Variants in DIP2C observed in about 807,000 individuals in gnomAD.
The protein encoded by DIP2C is disco-interacting protein 2 homolog C.
Under a neutral mutation model 192.4 loss-of-function variants are expected in DIP2C, and 33 were observed. That is an observed-to-expected ratio of 0.17 (90% CI 0.13 to 0.23). The LOEUF (loss-of-function observed/expected upper bound fraction) is 0.23. Among genes scored for constraint, DIP2C ranks in the 10% least tolerant of loss-of-function variants. DIP2C has a pLI of 1.00. For missense variants in DIP2C, 1,537 were observed against 2,110.1 expected (o/e 0.73, Z 5.32); for synonymous variants, 979 against 864.1 (o/e 1.13, Z -2.33).
At chr10:576,777 C>T (rs147148015) in intron 1 of DIP2C, among the ~76,000 whole-genome samples, 1,772 of 152,134 alleles carry the variant, frequency 0.012, 29 homozygotes, top group African/African-American at 0.039. Context: ...CATGGTGGCA[C>T]GCGCCTGTAA....
At chr10:481,867 G>A (rs560641205) in intron 2 of DIP2C, among the ~76,000 whole-genome samples, 9 of 152,306 alleles carry the variant, frequency 5.9e-5, no homozygotes, top group East Asian at 3.9e-4. Context: ...CAGCCCCTCC[G>A]TGCCGCACCC....
intron 31 of DIP2C, among the ~76,000 whole-genome samples, chr10:318,410 C>A (rs1374938298): frequency 6.6e-6 from 1 of 152,210 alleles, no homozygotes; most frequent in African/African-American, 2.4e-5. Context: ...CAGACACGAT[C>A]CAGGTTTGGG....
chr10:392,460 T>C (rs1024588626), intron 10 of DIP2C, among the ~76,000 whole-genome samples: 2 of 152,056 alleles, frequency 1.3e-5, no homozygotes, highest in Non-Finnish European at 2.9e-5. Context: ...TCCCAAAAAA[T>C]AAGGAAGAGA....
intron 1 of DIP2C, among the ~76,000 whole-genome samples, chr10:575,727 G>A (rs1274825172): frequency 6.6e-6 from 1 of 152,164 alleles, no homozygotes; most frequent in Non-Finnish European, 1.5e-5. Flanking sequence ...TCATAGGGAG[G>A]GCAGGGCAAG....
chr10:570,425 G>A (rs950370787), intron 1 of DIP2C, among the ~76,000 whole-genome samples: 11 of 152,236 alleles, frequency 7.2e-5, no homozygotes, highest in African/African-American at 1.9e-4. Flanking sequence ...CCTCCCCTGT[G>A]GGAGACTGAT....
At chr10:544,190 G>A (rs1200990183) in intron 1 of DIP2C, among the ~76,000 whole-genome samples, 1 of 151,298 alleles carries the variant, frequency 6.6e-6, no homozygotes, top group East Asian at 1.9e-4. Flanking sequence ...CGTTCAAGGT[G>A]AGTGGAATTG....
intron 1 of DIP2C, among the ~76,000 whole-genome samples, chr10:592,499 C>G (rs962425645): frequency 6.6e-6 from 1 of 151,518 alleles, no homozygotes; most frequent in Non-Finnish European, 1.5e-5. Context: ...ACTATAGCCA[C>G]AGGTACCAAC....
At chr10:554,741 G>A (rs1848753890) in intron 1 of DIP2C, among the ~76,000 whole-genome samples, 1 of 152,220 alleles carries the variant, frequency 6.6e-6, no homozygotes, top group African/African-American at 2.4e-5. Flanking sequence ...ACAGCCTGGG[G>A]AGCAATCACC....
chr10:416,996 G>A (rs896210024), intron 6 of DIP2C, among the ~76,000 whole-genome samples: 30 of 152,314 alleles, frequency 2.0e-4, no homozygotes, highest in Admixed American at 7.2e-4. Flanking sequence ...TTTTTTAATA[G>A]GTAGTCTCAA....
intron 3 of DIP2C, among the ~76,000 whole-genome samples, chr10:451,856 GT>G (rs1564729763): frequency 6.6e-6 from 1 of 152,102 alleles, no homozygotes; most frequent in Non-Finnish European, 1.5e-5. Flanking sequence ...AGAAATGCGG[GT>G]TTTTTTCCAT....
chr10:510,066 T>C (rs1283277131), intron 1 of DIP2C, among the ~76,000 whole-genome samples: 2 of 152,236 alleles, frequency 1.3e-5, no homozygotes, highest in African/African-American at 4.8e-5. Context: ...CACTTTAACA[T>C]TCAGTGACAT....
chr10:580,895 T>A (rs1822519217), intron 1 of DIP2C, among the ~76,000 whole-genome samples: 1 of 152,234 alleles, frequency 6.6e-6, no homozygotes, highest in Admixed American at 6.5e-5. Context: ...ATAGTACACG[T>A]CAGGACTGAC....
At chr10:323,814 G>A (rs536079024) in intron 31 of DIP2C, among the ~76,000 whole-genome samples, 9 of 152,276 alleles carry the variant, frequency 5.9e-5, no homozygotes, top group Middle Eastern at 3.4e-3. Context: ...AGTGTGGTCC[G>A]TACATTTAAT....
chr10:448,973 T>A (rs1163951236), intron 3 of DIP2C, among the ~76,000 whole-genome samples: 1 of 63,938 alleles, frequency 1.6e-5, no homozygotes, highest in Non-Finnish European at 2.8e-5. Context: ...CTCACTCCCG[T>A]CGATACTCAG....
chr10:297,502 T>C (rs1304954097), intron 32 of DIP2C, among the ~76,000 whole-genome samples: 1 of 152,092 alleles, frequency 6.6e-6, no homozygotes, highest in African/African-American at 2.4e-5. Flanking sequence ...TAACAGAGAA[T>C]GAAATCCTGT....
intron 2 of DIP2C, among the ~76,000 whole-genome samples, chr10:476,054 AG>A (rs1843007559): frequency 6.6e-6 from 1 of 152,240 alleles, no homozygotes; most frequent in African/African-American, 2.4e-5. Flanking sequence ...ACCAGCTCTC[AG>A]GAGCATCACA....
intron 1 of DIP2C, among the ~76,000 whole-genome samples, chr10:619,529 G>GCCCTCCCGCCCT (rs1328461092): frequency 8.2e-4 from 18 of 22,004 alleles, no homozygotes; most frequent in African/African-American, 3.4e-3. Flanking sequence ...CCAGGACCAA[G>GCCCTCCCGCCCT]CCCGCCCGCC....
At chr10:429,959 C>A (rs905252682) in intron 4 of DIP2C, among the ~76,000 whole-genome samples, 3 of 152,168 alleles carry the variant, frequency 2.0e-5, no homozygotes, top group Non-Finnish European at 2.9e-5. Context: ...AAGAAACCAC[C>A]AAGCTGTCTT....
intron 34 of DIP2C, among the ~76,000 whole-genome samples, chr10:285,454 C>A (rs947109961): frequency 6.6e-6 from 1 of 152,182 alleles, no homozygotes; most frequent in African/African-American, 2.4e-5. Flanking sequence ...GGGCTTTGTC[C>A]AACGGCACGG....
Sources: gnomAD v4.1 joint callset for allele counts (sites outside exome capture counted in the v4.1 genomes callset) on GRCh38, gnomAD v4.1.1 for gene constraint, MANE v1.5 for transcripts, NCBI Gene and HGNC (gene_info 2026-07-23, HGNC 2026-07-21) for gene names.